Variants in EDA observed in about 807,000 individuals in gnomAD.
The protein encoded by EDA is ectodysplasin-A.
EDA carries 2 observed loss-of-function variants against 23.6 expected under a neutral mutation model. The ratio of observed to expected loss-of-function variants is 0.08; its 90% confidence interval spans 0.03 to 0.27. EDA has a LOEUF of 0.27. Ranked by LOEUF, EDA falls within the 10% of genes least tolerant of loss-of-function variation. The pLI is 1.00. For synonymous variants in EDA, 131 were observed against 132.0 expected, an observed-to-expected ratio of 0.99 and a Z score of 0.05; for missense variants, 229 against 324.2, an observed-to-expected ratio of 0.71 and a Z score of 2.26.
chrX:69,760,100 G>T (rs2014254259), intron 1 of EDA, among the ~76,000 whole-genome samples: 2 of 96,756 alleles, frequency 2.1e-5, no homozygotes, highest in Non-Finnish European at 4.0e-5. Flanking sequence ...CCAGAGGAAA[G>T]AACAGTCTAG....
chrX:69,823,122 G>C (rs1422054760), intron 1 of EDA, among the ~76,000 whole-genome samples: 12 of 89,823 alleles, frequency 1.3e-4, no homozygotes, highest in African/African-American at 5.2e-4. Flanking sequence ...TTGGATCCAA[G>C]TCTTTGCTAT....
chrX:69,961,215 T>C (rs1437261048), intron 2 of EDA, among the ~76,000 whole-genome samples: 1 of 111,201 alleles, frequency 9.0e-6, no homozygotes, highest in Non-Finnish European at 1.9e-5. Context: ...CGTTGAGTGA[T>C]CCGCCCACCT....
intron 1 of EDA, among the ~76,000 whole-genome samples, chrX:69,917,431 CATATTTGG>C (rs1295673243): frequency 8.9e-6 from 1 of 111,911 alleles, no homozygotes; most frequent in Non-Finnish European, 1.9e-5. Context: ...TTGCCATTTA[CATATTTGG>C]TCTTATAGAT....
At chrX:69,656,146 C>G (rs963343888) in intron 1 of EDA, among the ~76,000 whole-genome samples, 5 of 110,838 alleles carry the variant, frequency 4.5e-5, no homozygotes, top group Non-Finnish European at 9.4e-5. Context: ...TCCACCTGTG[C>G]AGTACTGTGT....
In EDA at chrX:70,025,618, C is replaced by A. The variant is rs140589395; in HGVS notation, c.527-2239C>A. Among the ~76,000 whole-genome samples, 227 of 111,968 alleles carry A rather than the reference C, an allele frequency of 2.0e-3. 1 individual carries two copies. Among genetic ancestry groups the A allele is most frequent in the Non-Finnish European group, 3.6e-3 (194 of 53,204 alleles). ...AGAGCTGGGGCTTACATCCTTATCTCCTGAGTACAGATTTTGTGTTCTTTC... is the reference window on the plus strand; with the variant it reads ...AGAGCTGGGGCTTACATCCTTATCTACTGAGTACAGATTTTGTGTTCTTTC... On this transcript the variant is annotated intron_variant, in intron 3 of 7. Coordinates refer to ENST00000374552, the MANE Select transcript of EDA (RefSeq NM_001399.5).
chrX:69,726,081 C>T (rs757768334), intron 1 of EDA, among the ~76,000 whole-genome samples: 1 of 111,951 alleles, frequency 8.9e-6, no homozygotes, highest in Non-Finnish European at 1.9e-5. Flanking sequence ...TCCTGACAGT[C>T]AGAACTTGAG....
At chrX:69,972,060 G>A (rs2019255478) in intron 2 of EDA, among the ~76,000 whole-genome samples, 2 of 111,105 alleles carry the variant, frequency 1.8e-5, no homozygotes, top group Admixed American at 1.9e-4. Flanking sequence ...AAGCCTTCAG[G>A]CTCTTTCCAG....
At chrX:69,730,384 G>T (rs201378204) in intron 1 of EDA, among the ~76,000 whole-genome samples, 3 of 110,538 alleles carry the variant, frequency 2.7e-5, no homozygotes, top group African/African-American at 9.9e-5. Flanking sequence ...GAAAAGAAGG[G>T]AAGAGCTAAG....
intron 2 of EDA, among the ~76,000 whole-genome samples, chrX:69,989,963 G>A (rs866650708): frequency 1.5e-5 from 1 of 66,429 alleles, no homozygotes; most frequent in Non-Finnish European, 3.0e-5. Flanking sequence ...TTCATTTTTT[G>A]TGTGTTCATA....
chrX:69,757,968 T>C (rs2014175323), intron 1 of EDA, among the ~76,000 whole-genome samples: 1 of 112,482 alleles, frequency 8.9e-6, no homozygotes, highest in South Asian at 3.7e-4. Flanking sequence ...TGACTAACAA[T>C]ATGAACTTAA....
At chrX:69,719,715 T>TAC (rs35200750) in intron 1 of EDA, among the ~76,000 whole-genome samples, 4,306 of 102,588 alleles carry the variant, frequency 0.042, 94 homozygotes, top group African/African-American at 0.079. Flanking sequence ...TATTCCGTTA[T>TAC]ACACACACAC....
intron 2 of EDA, among the ~76,000 whole-genome samples, chrX:69,982,569 T>C (rs142556959): frequency 4.3e-4 from 48 of 112,068 alleles, no homozygotes; most frequent in African/African-American, 1.5e-3. Context: ...GAAATCCTGT[T>C]AGATATCCAG....
intron 5 of EDA, among the ~76,000 whole-genome samples, chrX:70,029,838 T>C (rs1043210972): frequency 8.9e-6 from 1 of 112,410 alleles, no homozygotes; most frequent in African/African-American, 3.2e-5. Context: ...CAGTCAGACC[T>C]ATTCACCTGA....
At chrX:69,787,165 T>C (rs2015219288) in intron 1 of EDA, among the ~76,000 whole-genome samples, 1 of 99,354 alleles carries the variant, frequency 1.0e-5, no homozygotes, top group Non-Finnish European at 2.1e-5. Context: ...TCCATCCTTT[T>C]ATTTTGAGCC....
intron 1 of EDA, among the ~76,000 whole-genome samples, chrX:69,760,195 TACA>T (rs2014263919): frequency 3.4e-4 from 1 of 2,931 alleles, no homozygotes; most frequent in East Asian, 6.2e-3. Context: ...AGCTCTTTTG[TACA>T]AAAAAAAAAA....
intron 1 of EDA, among the ~76,000 whole-genome samples, chrX:69,744,324 A>G (rs1376826359): frequency 2.7e-5 from 3 of 112,081 alleles, no homozygotes; most frequent in African/African-American, 6.5e-5. Flanking sequence ...ACAGTGAAGT[A>G]TCTTGTCCAA....
intron 1 of EDA, among the ~76,000 whole-genome samples, chrX:69,646,440 T>C: frequency 8.9e-6 from 1 of 111,951 alleles, no homozygotes; most frequent in Non-Finnish European, 1.9e-5. Flanking sequence ...TGTAATGCCC[T>C]TTTTTGTCTT....
At chrX:69,774,725 A>T (rs372793570) in intron 1 of EDA, among the ~76,000 whole-genome samples, 31 of 111,816 alleles carry the variant, frequency 2.8e-4, no homozygotes, top group African/African-American at 9.4e-4. Flanking sequence ...GAACTTGCAC[A>T]GGCTTAAATT....
chrX:69,922,394 T>A (rs1001083844), intron 1 of EDA, among the ~76,000 whole-genome samples: 2 of 112,333 alleles, frequency 1.8e-5, no homozygotes, highest in Non-Finnish European at 3.8e-5. Flanking sequence ...TCTTCCAAAG[T>A]GGCTAACCAT....
Sources: allele counts gnomAD v4.1 joint callset (sites outside exome capture counted in the v4.1 genomes callset), GRCh38; gene constraint gnomAD v4.1.1; transcripts MANE v1.5; gene names NCBI Gene and HGNC (gene_info 2026-07-23, HGNC 2026-07-21).